Variants in FGFR2 observed in about 807,000 individuals in gnomAD.
The protein encoded by FGFR2 is fibroblast growth factor receptor 2, also known as BEK fibroblast growth factor receptor.
In FGFR2, 19 loss-of-function variants were observed where a neutral mutation model predicts 95.9. That is an observed-to-expected ratio of 0.20 (90% CI 0.14 to 0.29). The LOEUF (loss-of-function observed/expected upper bound fraction) is 0.29. FGFR2 is among the 10% of genes least tolerant of loss of function. The pLI, the probability that FGFR2 is intolerant of heterozygous loss-of-function variation, is 1.00. For synonymous variants in FGFR2, 392 were observed against 393.3 expected (o/e 1.00, Z 0.04); for missense variants, 707 against 1,056.9 (o/e 0.67, Z 4.59).
chr10:121,566,133 T>G (rs555600624), intron 2 of FGFR2, among the ~76,000 whole-genome samples: 117 of 152,282 alleles, frequency 7.7e-4, no homozygotes, highest in Middle Eastern at 6.8e-3. Flanking sequence ...CATACACTCT[T>G]TATTATTTGT....
intron 4 of FGFR2, among the ~76,000 whole-genome samples, chr10:121,556,355 C>A (rs1856130690): frequency 6.6e-6 from 1 of 151,410 alleles, no homozygotes; most frequent in Non-Finnish European, 1.5e-5. Flanking sequence ...CCCACCAAAA[C>A]CCTTGCACAT....
chr10:121,578,576 C>T (rs1012169598), intron 2 of FGFR2, among the ~76,000 whole-genome samples: 4 of 152,234 alleles, frequency 2.6e-5, no homozygotes, highest in African/African-American at 2.4e-5. Flanking sequence ...CGTAAAACCA[C>T]GTGGTCAGTT....
chr10:121,514,693 TAG>T (rs1388382290), intron 9 of FGFR2, among the ~76,000 whole-genome samples: 3 of 152,180 alleles, frequency 2.0e-5, no homozygotes, highest in Admixed American at 2.0e-4. Flanking sequence ...TCAGAGAACT[TAG>T]AGTCTCTTTC....
chr10:121,555,428 T>C (rs945959111), intron 4 of FGFR2, among the ~76,000 whole-genome samples: 1 of 151,978 alleles, frequency 6.6e-6, no homozygotes, highest in Non-Finnish European at 1.5e-5. Context: ...TAAGGACACA[T>C]GAGTTTCCCT....
intron 17 of FGFR2, among the ~76,000 whole-genome samples, chr10:121,483,364 G>A (rs1845007272): frequency 6.6e-6 from 1 of 152,162 alleles, no homozygotes; most frequent in Admixed American, 6.6e-5. Flanking sequence ...AGGAATCCAA[G>A]CTTTTTCCCA....
At chr10:121,499,321 G>T (rs769566544) in intron 11 of FGFR2, among the ~76,000 whole-genome samples, 12 of 151,964 alleles carry the variant, frequency 7.9e-5, no homozygotes, top group Non-Finnish European at 1.8e-4. Flanking sequence ...AATTCAGTAT[G>T]GAAAAATCTG....
At chr10:121,519,863 C>T (rs910562023) in intron 7 of FGFR2, 116 bp downstream of exon 7, 44 of 942,378 alleles carry the variant, frequency 4.7e-5, no homozygotes, top group Non-Finnish European at 6.6e-5. Flanking sequence ...TCTCTGCTGG[C>T]TAGTCAAAAA....
intron 12 of FGFR2, among the ~76,000 whole-genome samples, chr10:121,498,038 A>G (rs569264728): frequency 1.1e-4 from 17 of 152,370 alleles, no homozygotes; most frequent in African/African-American, 4.1e-4. Context: ...GTATTCCTTC[A>G]TACCGCTTTC....
intron 6 of FGFR2, among the ~76,000 whole-genome samples, chr10:121,536,872 ATTAC>A (rs758014904): frequency 6.6e-6 from 1 of 152,210 alleles, no homozygotes; most frequent in African/African-American, 2.4e-5. Flanking sequence ...CCCACAATAA[ATTAC>A]TTAATTTCAA....
Position 121,500,703 on chromosome 10 carries a change from C to T in FGFR2, c.1561+123G>A. 7 of 1,372,790 alleles carry T rather than the reference C, an allele frequency of 5.1e-6. No individual in the cohort carries two copies. The East Asian group carries it at 6.9e-5, about 13-fold the overall frequency. The allele number at this position is 1,372,790 out of a possible 1,614,324, so 85.0% of individuals were successfully genotyped here. On this transcript the variant is annotated intron_variant, in intron 11 of 17. Transcript: ENST00000358487. ...CTGATTTATACCGAAAACTTCTCAA[C>T]CCCTAGGTCAACTATGTGCTCTCTG...
chr10:121,514,729 C>T (rs1046768680), intron 9 of FGFR2, among the ~76,000 whole-genome samples: 3 of 152,142 alleles, frequency 2.0e-5, no homozygotes, highest in Middle Eastern at 3.2e-3. Flanking sequence ...AAGTCCCAAG[C>T]GAATGTTCAT....
At chr10:121,565,806 G>C in intron 2 of FGFR2, 102 bp from the exon 3 acceptor site, 1 of 1,422,614 alleles carries the variant, frequency 7.0e-7, no homozygotes, top group Non-Finnish European at 9.8e-7. Context: ...CCCAGGAGAA[G>C]CTGTTCTTGC....
At chr10:121,597,761 C>T (rs1253988996) in intron 1 of FGFR2, among the ~76,000 whole-genome samples, 1 of 152,252 alleles carries the variant, frequency 6.6e-6, no homozygotes, top group Non-Finnish European at 1.5e-5. Flanking sequence ...AGAGGCAGAA[C>T]TTCCAGAACG....
chr10:121,594,287 G>A (rs1590133463), intron 1 of FGFR2: 1 of 275,694 alleles, frequency 3.6e-6, no homozygotes, highest in Non-Finnish European at 7.0e-6. Context: ...CGCCTCCACC[G>A]CCCTCAATGA....
At position 121,518,922 on chromosome 10, in the gene FGFR2, AC is replaced by A; in HGVS notation, c.939+1056del. ...CCACCAACACACCGCAAGAAAACAA[AC>A]TCCATTACGTCTAAACAGCGGCATT... On this transcript the variant is annotated intron_variant, in intron 7 of 17. Transcript: ENST00000358487. The surrounding 1 kb of genome is among the most constrained non-coding windows in gnomAD (Gnocchi z 4.0). 6.8e-7 allele frequency: 1 copy of A among 1,477,100 alleles called. No individual in the cohort carries two copies. Among genetic ancestry groups the A allele is most frequent in the Non-Finnish European group, 9.4e-7 (1 of 1,059,420 alleles). The allele number at this position is 1,477,100 out of a possible 1,614,324, so 91.5% of individuals were successfully genotyped here.
intron 6 of FGFR2, among the ~76,000 whole-genome samples, chr10:121,533,011 G>A (rs991143568): frequency 2.0e-5 from 3 of 152,174 alleles, no homozygotes; most frequent in Non-Finnish European, 4.4e-5. Flanking sequence ...CCTCTGATGG[G>A]CCCCCAAACA....
In FGFR2 at chr10:121,496,222, A is replaced by T. The variant is rs3135790; in HGVS notation, c.1863+310T>A. On this transcript the variant is annotated intron_variant, in intron 13 of 17. Transcript: ENST00000358487. The stretch of plus-strand genomic sequence containing the variant: ...AGAAAGAAAGAAAATCATCCGAATT[A>T]AAGGGGGCCTTTAAAACCATCCATT... Among the ~76,000 whole-genome samples, 148 of 152,284 alleles carry T rather than the reference A, an allele frequency of 9.7e-4. 1 individual carries two copies. In the South Asian group the frequency reaches 0.03, roughly 31 times the overall value.
chr10:121,551,534 GATCA>G (rs1855411085), intron 4 of FGFR2, 75 bp from the exon 5 acceptor site: 1 of 1,359,812 alleles, frequency 7.4e-7, no homozygotes. Flanking sequence ...AAACAGGTAA[GATCA>G]TTTCGCTTTG....
At chr10:121,594,661 G>C (rs765813830) in intron 1 of FGFR2, among the ~76,000 whole-genome samples, 40 of 152,228 alleles carry the variant, frequency 2.6e-4, no homozygotes, top group Non-Finnish European at 4.3e-4. Flanking sequence ...ATTCAACGCA[G>C]CTGATCCAAA....
Sources: allele counts gnomAD v4.1 joint callset (sites outside exome capture counted in the v4.1 genomes callset), GRCh38; gene constraint gnomAD v4.1.1; non-coding constraint Gnocchi (gnomAD v3.1); transcripts MANE v1.5; gene names NCBI Gene and HGNC (gene_info 2026-07-23, HGNC 2026-07-21).